Variants in FAM53A observed in about 807,000 individuals in gnomAD.
FAM53A encodes the protein family with sequence similarity 53 member A, also known as protein FAM53A.
A neutral mutation model predicts 26.6 loss-of-function variants in FAM53A; 28 were observed. The ratio of observed to expected loss-of-function variants is 1.05; its 90% CI spans 0.78 to 1.45. The LOEUF (loss-of-function observed/expected upper bound fraction) is 1.45, where lower values mean the gene tolerates loss of function less well. FAM53A is among the 40% of genes most tolerant of loss of function. The probability of loss-of-function intolerance (pLI) is 0.00; values close to 1 mark genes in which losing one functional copy is unlikely to be tolerated. For synonymous variants in FAM53A, 290 were observed against 253.1 expected, an observed-to-expected ratio of 1.15 and a Z score of -1.38; for missense variants, 650 against 575.8, an observed-to-expected ratio of 1.13 and a Z score of -1.32.
chr4:1,684,360 C>T (rs1715665624), upstream of FAM53A: 1 of 147,926 alleles, frequency 6.8e-6, no homozygotes, highest in African/African-American at 2.5e-5. Context: ...TCCGGCCGCC[C>T]TCATTGGCCG....
At chr4:1,605,384 C>T in the FAM53A span, among the ~76,000 whole-genome samples, 6 of 151,996 alleles carry the variant, frequency 3.9e-5, no homozygotes, top group African/African-American at 7.3e-5. This position sits in a 1 kb window ranked among gnomAD's most constrained non-coding sequence, Gnocchi z 5.7. Flanking sequence ...AGGAGACAGC[C>T]GTGCCGGTGA....
chr4:1,577,754 G>C, the FAM53A span, among the ~76,000 whole-genome samples: 2 of 152,118 alleles, frequency 1.3e-5, no homozygotes, highest in African/African-American at 4.8e-5. Context: ...TTTTTATGCC[G>C]CTCATCTGCT....
intron 1 of FAM53A, among the ~76,000 whole-genome samples, chr4:1,632,574 T>A (rs1361799401): frequency 6.6e-6 from 1 of 152,156 alleles, no homozygotes; most frequent in Non-Finnish European, 1.5e-5. Flanking sequence ...CACCCATTCG[T>A]GACGTTTTAT....
At position 1,669,984 on chromosome 4, in the gene FAM53A, C is replaced by T. The variant is rs139378237; in HGVS notation, c.-164-1079G>A. Among the ~76,000 whole-genome samples the T allele has an allele frequency of 8.0e-4, 122 of 152,288 alleles. 4 individuals are homozygous for T. The South Asian group carries it at 0.016, about 20-fold the overall frequency. On this transcript the variant is annotated intron_variant, in intron 1 of 4. Transcript: ENST00000308132. ...AGGCAAGGATTAAGGGCGGACAGGACGCCAAAGCCCAGGCCTCACCACCAC... is the reference window on the plus strand; with the variant it reads ...AGGCAAGGATTAAGGGCGGACAGGATGCCAAAGCCCAGGCCTCACCACCAC...
intron 1 of FAM53A, among the ~76,000 whole-genome samples, chr4:1,674,371 T>C (rs969461478): frequency 1.3e-5 from 2 of 152,148 alleles, no homozygotes; most frequent in African/African-American, 4.8e-5. Context: ...TAATGTACAT[T>C]AATTGCAAAA....
chr4:1,579,923 C>T, the FAM53A span, among the ~76,000 whole-genome samples: 1 of 152,154 alleles, frequency 6.6e-6, no homozygotes, highest in Non-Finnish European at 1.5e-5. Context: ...GATATTGACT[C>T]GAAGGAGAAA....
rs112373289 is a variant in FAM53A, at chr4:1,657,719, G to A, written c.76-251C>T. ...GTGGCGCGATCTCGGCTCACTGCAA[G>A]CTCCGCCTCTCGGGTTCACGCCATT... On this transcript the variant is annotated intron_variant, in intron 2 of 4. Coordinates refer to ENST00000308132, the MANE Select transcript of FAM53A (RefSeq NM_001174070.3). Among the ~76,000 whole-genome samples, 632 of 152,168 alleles carry A rather than the reference G, an allele frequency of 4.2e-3. 3 individuals carry two copies. The highest frequency in any genetic ancestry group is 0.015 in the African/African-American group (607 of 41,518).
chr4:1,641,525 G>A lies in FAM53A; in HGVS notation c.965C>T (p.Ser322Phe). The change falls in exon 5 of 5, where the codon TCC becomes TTC. Residue 322 changes from serine to phenylalanine, a missense_variant. Physicochemically the swap from Ser to Phe is radical, Grantham distance 155. Coordinates refer to ENST00000308132, the MANE Select transcript of FAM53A (RefSeq NM_001174070.3). ...GAGGCCCCGGGAGTCACATGGGGAG[G>A]ACAGAACCGTCTTCACTGGGGTGTC... The part of the protein sequence containing the change: ...EDDTPVKTVL[S>F]SPCDSRGLPG... 1.2e-6 allele frequency: 2 copies of A among 1,614,224 alleles called. No individual in the cohort carries two copies. Among genetic ancestry groups the A allele is most frequent in the Non-Finnish European group, 1.7e-6 (2 of 1,180,026 alleles).
chr4:1,685,633 TG>T (rs1241614734), upstream of FAM53A, among the ~76,000 whole-genome samples: 2 of 152,062 alleles, frequency 1.3e-5, no homozygotes, highest in African/African-American at 4.8e-5. Flanking sequence ...ACACCAGGAC[TG>T]GCTGGAGTCA....
chr4:1,579,833 G>A, the FAM53A span, among the ~76,000 whole-genome samples: 1 of 152,190 alleles, frequency 6.6e-6, no homozygotes, highest in Non-Finnish European at 1.5e-5. Context: ...AGGGCGCAGG[G>A]GCCGAGCATC....
intron 4 of FAM53A, among the ~76,000 whole-genome samples, chr4:1,647,773 G>A (rs1234264788): frequency 5.9e-5 from 9 of 152,230 alleles, no homozygotes; most frequent in Non-Finnish European, 1.5e-5. Flanking sequence ...ATAAGCGTGG[G>A]GGTGAGTGTG....
At chr4:1,599,971 CT>C in the FAM53A span, among the ~76,000 whole-genome samples, 1 of 152,098 alleles carries the variant, frequency 6.6e-6, no homozygotes, top group East Asian at 1.9e-4. The surrounding 1 kb of genome is among the most constrained non-coding windows in gnomAD (Gnocchi z 6.1). Flanking sequence ...CTCCCTTCCC[CT>C]GATGCAGGCC....
At chr4:1,670,811 C>T (rs1032953075) in intron 1 of FAM53A, among the ~76,000 whole-genome samples, 2 of 152,192 alleles carry the variant, frequency 1.3e-5, no homozygotes, top group Non-Finnish European at 2.9e-5. Flanking sequence ...GCACACCCCA[C>T]GCTGGTCGAT....
chr4:1,658,111 C>T lies in FAM53A; in HGVS notation c.76-643G>A, dbSNP rs568953923. ...CTACAAGCTCTGCCTCCCGGGTTCACGCCATTCTCCTGTCTCAGCCTCCCG... is the reference window on the plus strand; with the variant it reads ...CTACAAGCTCTGCCTCCCGGGTTCATGCCATTCTCCTGTCTCAGCCTCCCG... On this transcript the variant is annotated intron_variant, in intron 2 of 4. Coordinates refer to ENST00000308132, the MANE Select transcript of FAM53A (RefSeq NM_001174070.3). Among the ~76,000 whole-genome samples, 16 of 152,022 alleles carry T rather than the reference C, an allele frequency of 1.1e-4. No individual in the cohort carries two copies. The South Asian group carries it at 1.7e-3, about 16-fold the overall frequency.
At chr4:1,578,165 C>A in the FAM53A span, among the ~76,000 whole-genome samples, 1 of 152,196 alleles carries the variant, frequency 6.6e-6, no homozygotes, top group African/African-American at 2.4e-5. Flanking sequence ...GACACGGCCC[C>A]CAGACCGGCA....
At chr4:1,680,348 C>T (rs1478827671) in intron 1 of FAM53A, among the ~76,000 whole-genome samples, 1 of 102,158 alleles carries the variant, frequency 9.8e-6, no homozygotes, top group Non-Finnish European at 2.2e-5. Context: ...AAAAAAAACA[C>T]ACCACTACAC....
At chr4:1,644,387 A>G (rs1712048996) in intron 4 of FAM53A, 1 of 1,528,968 alleles carries the variant, frequency 6.5e-7, no homozygotes, top group African/African-American at 1.4e-5. Flanking sequence ...TGGACGACAC[A>G]GTCGGTGCAG....
chr4:1,644,493 T>G, intron 4 of FAM53A: 1 of 1,024,842 alleles, frequency 9.8e-7, no homozygotes, highest in South Asian at 1.8e-5. Flanking sequence ...CCACCCACGC[T>G]GTAGAGACGG....
intron 1 of FAM53A, among the ~76,000 whole-genome samples, chr4:1,619,959 C>T (rs1485445177): frequency 6.6e-6 from 1 of 152,192 alleles, no homozygotes; most frequent in Non-Finnish European, 1.5e-5. Flanking sequence ...CCTGTAATCC[C>T]AGCACTTTCG....
Sources: allele counts gnomAD v4.1 joint callset (sites outside exome capture counted in the v4.1 genomes callset), GRCh38; gene constraint gnomAD v4.1.1; non-coding constraint Gnocchi (gnomAD v3.1); transcripts MANE v1.5; gene names NCBI Gene and HGNC (gene_info 2026-07-23, HGNC 2026-07-21).